The following KAZN variants were observed in gnomAD, a reference collection of about 807,000 sequenced individuals.
KAZN encodes kazrin.
KAZN carries 40 observed loss-of-function variants against 87.4 expected under a neutral mutation model. The observed-to-expected ratio is 0.46, with a 90% confidence interval of 0.36 to 0.60. The LOEUF (loss-of-function observed/expected upper bound fraction) is 0.60, where lower values mean the gene tolerates loss of function less well. KAZN is among the 20% of genes least tolerant of loss of function. The pLI, the probability that KAZN is intolerant of heterozygous loss-of-function variation, is 0.00. For missense variants in KAZN, 898 were observed against 1,073.9 expected, an observed-to-expected ratio of 0.84 and a Z score of 2.29; for synonymous variants, 466 against 458.3, an observed-to-expected ratio of 1.02 and a Z score of -0.22.
intron 2 of KAZN, among the ~76,000 whole-genome samples, chr1:14,457,955 C>A (rs1667660391): frequency 6.6e-6 from 1 of 151,782 alleles, no homozygotes; most frequent in Admixed American, 6.6e-5. Flanking sequence ...GTAGCTGGGA[C>A]TACAGGTGCC....
chr1:15,073,602 G>A (rs997856067), intron 8 of KAZN, among the ~76,000 whole-genome samples: 14 of 152,162 alleles, frequency 9.2e-5, no homozygotes, highest in Non-Finnish European at 1.2e-4. Flanking sequence ...TGGAGTATCT[G>A]ACGCCCCAGG....
chr1:14,584,263 TTGTCCAACAACCGGAGAGAGAAGC>T (rs1675719628), intron 2 of KAZN, among the ~76,000 whole-genome samples: 1 of 152,210 alleles, frequency 6.6e-6, no homozygotes, highest in Non-Finnish European at 1.5e-5. Flanking sequence ...ATAGGCCCAG[TTGTCCAACAACCGGAGAGAGAAGC>T]TGTCTTTTTC....
chr1:14,215,515 G>A (rs191674162), intron 2 of KAZN, among the ~76,000 whole-genome samples: 1,619 of 152,272 alleles, frequency 0.011, 97 homozygotes, highest in Admixed American at 0.098. Flanking sequence ...CCAAAGCTGG[G>A]TAGTATTAGA....
chr1:14,912,386 C>A (rs1381204906), intron 1 of KAZN, among the ~76,000 whole-genome samples: 1 of 152,028 alleles, frequency 6.6e-6, no homozygotes, highest in Non-Finnish European at 1.5e-5. Flanking sequence ...GGTAAGGTAG[C>A]CAGAAGTAAG....
At chr1:14,653,148 G>A (rs183014991) in intron 1 of KAZN, among the ~76,000 whole-genome samples, 1 of 152,212 alleles carries the variant, frequency 6.6e-6, no homozygotes, top group South Asian at 2.1e-4. Flanking sequence ...TTGGAGGGTG[G>A]TTCAGAAACA....
chr1:14,497,335 TAAAAAAAA>T (rs70997150), intron 2 of KAZN, among the ~76,000 whole-genome samples: 32 of 76,442 alleles, frequency 4.2e-4, no homozygotes, highest in East Asian at 1.1e-3. Flanking sequence ...ATTCTGTTAC[TAAAAAAAA>T]AAAAAAAAAA....
chr1:14,840,167 T>C lies in KAZN; in HGVS notation c.227-120517T>C, dbSNP rs917032019. On this transcript the variant is annotated intron_variant, in intron 1 of 14. Coordinates refer to ENST00000376030, the MANE Select transcript of KAZN (RefSeq NM_201628.3). ...CATTCTTAATAGAGTCCAGGAGAGGTCTTGCACGGTGATTGCCGATTCAAG... is the reference window on the plus strand; with the variant it reads ...CATTCTTAATAGAGTCCAGGAGAGGCCTTGCACGGTGATTGCCGATTCAAG... Among the ~76,000 whole-genome samples, 3 of 152,018 alleles carry C rather than the reference T, an allele frequency of 2.0e-5. No individual in the cohort carries two copies. In the East Asian group the frequency reaches 5.8e-4, roughly 29 times the overall value.
At chr1:14,255,581 T>C (rs904849454) in intron 2 of KAZN, among the ~76,000 whole-genome samples, 2 of 152,206 alleles carry the variant, frequency 1.3e-5, no homozygotes, top group South Asian at 2.1e-4. Context: ...CCAATCAGAA[T>C]GTTCCATCCA....
At chr1:14,794,545 G>A (rs1009059750) in intron 1 of KAZN, among the ~76,000 whole-genome samples, 1 of 152,212 alleles carries the variant, frequency 6.6e-6, no homozygotes, top group African/African-American at 2.4e-5. Flanking sequence ...GGAGGCAGCG[G>A]GGAGGCTGGT....
chr1:14,623,101 CATT>C (rs1481276810), intron 1 of KAZN, among the ~76,000 whole-genome samples: 7 of 152,148 alleles, frequency 4.6e-5, no homozygotes, highest in Admixed American at 4.6e-4. Flanking sequence ...CCAGCAATCC[CATT>C]ATTATTTGGA....
chr1:14,003,152 A>G (rs145249515), intron 1 of KAZN, among the ~76,000 whole-genome samples: 13,089 of 151,950 alleles, frequency 0.086, 751 homozygotes, highest in Middle Eastern at 0.14. Context: ...GAGTTGAACA[A>G]TGAGAACACA....
At chr1:14,390,443 G>C (rs1000212733) in intron 2 of KAZN, among the ~76,000 whole-genome samples, 1 of 152,208 alleles carries the variant, frequency 6.6e-6, no homozygotes, top group African/African-American at 2.4e-5. Context: ...GCCTCACCAA[G>C]GGGTGCCACT....
chr1:13,978,129 C>CAAAAAAAAA lies in KAZN; in HGVS notation c.91+84387_91+84395dup, dbSNP rs35828417. Among the ~76,000 whole-genome samples the CAAAAAAAAA allele has an allele frequency of 3.7e-5, 3 of 82,112 alleles. 1 individual carries two copies. Among genetic ancestry groups the CAAAAAAAAA allele is most frequent in the African/African-American group, 4.9e-5 (1 of 20,472 alleles). The allele number at this position is 82,112 out of a possible 152,430, so 53.9% of individuals were successfully genotyped here. ...GGTGACAGAGCAAGACTCCATCTCA[C>CAAAAAAAAA]AAAAAAAAAAAAAAAAAAAAAAGGC... On this transcript the variant is annotated intron_variant, in intron 1 of 16. Coordinates refer to the KAZN transcript ENST00000636203.
At chr1:14,672,510 C>T (rs569743818) in intron 1 of KAZN, among the ~76,000 whole-genome samples, 2 of 152,318 alleles carry the variant, frequency 1.3e-5, no homozygotes, top group South Asian at 2.1e-4. Context: ...AAAGCTCAGT[C>T]GTTTTAGATC....
chr1:14,640,719 C>G (rs755747162), intron 1 of KAZN, among the ~76,000 whole-genome samples: 1 of 152,214 alleles, frequency 6.6e-6, no homozygotes, highest in Non-Finnish European at 1.5e-5. Context: ...TGGCAGTCAG[C>G]CTGCCCCTGG....
chr1:14,070,870 T>A (rs886762250), intron 1 of KAZN, among the ~76,000 whole-genome samples: 1 of 152,136 alleles, frequency 6.6e-6, no homozygotes, highest in African/African-American at 2.4e-5. Flanking sequence ...TATCTGAATG[T>A]TACAGATACT....
intron 1 of KAZN, among the ~76,000 whole-genome samples, chr1:14,668,552 C>T (rs952037676): frequency 3.3e-5 from 5 of 152,102 alleles, no homozygotes; most frequent in African/African-American, 1.2e-4. Context: ...GGGGAAAGGG[C>T]CGAATCCCTT....
At chr1:14,937,178 G>A (rs572259389) in intron 1 of KAZN, among the ~76,000 whole-genome samples, 3 of 152,202 alleles carry the variant, frequency 2.0e-5, no homozygotes, top group South Asian at 2.1e-4. Flanking sequence ...AGAGAGTGGC[G>A]CTGCAGAAGG....
rs1645082687 is a variant in KAZN, at chr1:14,773,601, T to C, written c.226+174378T>C. The stretch of plus-strand genomic sequence containing the variant: ...TTGACTTTCCAGAGCCATAGGGAGT[T>C]GGAAATGAGGTCAGGCACCCGCCAC... On this transcript the variant is annotated intron_variant, in intron 1 of 14. Coordinates refer to ENST00000376030, the MANE Select transcript of KAZN (RefSeq NM_201628.3). The surrounding 1 kb of genome is among the most constrained non-coding windows in gnomAD (Gnocchi z 5.9). Among the ~76,000 whole-genome samples, 1 of 152,140 alleles carries C rather than the reference T, an allele frequency of 6.6e-6. No homozygotes were observed. Among genetic ancestry groups the C allele is most frequent in the Non-Finnish European group, 1.5e-5 (1 of 68,020 alleles).
Sources: gnomAD v4.1 joint callset for allele counts (sites outside exome capture counted in the v4.1 genomes callset) on GRCh38, gnomAD v4.1.1 for gene constraint, Gnocchi (gnomAD v3.1) non-coding constraint, MANE v1.5 for transcripts, NCBI Gene and HGNC (gene_info 2026-07-23, HGNC 2026-07-21) for gene names.